Variants in SNX25 observed in about 807,000 individuals in gnomAD.
The protein encoded by SNX25 is sorting nexin-25.
In SNX25, 62 loss-of-function variants were observed where a neutral mutation model predicts 113.7. That is an observed-to-expected ratio of 0.55 (90% CI 0.44 to 0.67). The LOEUF (loss-of-function observed/expected upper bound fraction) is 0.67, where lower values mean the gene tolerates loss of function less well. Ranked by LOEUF, SNX25 falls within the 30% of genes least tolerant of loss-of-function variation. The pLI is 0.00. For synonymous variants in SNX25, 421 were observed against 436.2 expected (o/e 0.97, Z 0.43); for missense variants, 1,014 against 1,161.0 (o/e 0.87, Z 1.84).
At chr4:185,227,726 G>A (rs1741231969) in intron 1 of SNX25, among the ~76,000 whole-genome samples, 1 of 152,174 alleles carries the variant, frequency 6.6e-6, no homozygotes, top group Admixed American at 6.5e-5. Context: ...TGTTGGCCAT[G>A]TAGATTTTGA....
chr4:185,217,180 C>G (rs974056603), intron 1 of SNX25, among the ~76,000 whole-genome samples: 1 of 151,714 alleles, frequency 6.6e-6, no homozygotes, highest in African/African-American at 2.4e-5. Context: ...CCTGTAATCC[C>G]AGCACTTTGG....
At chr4:185,319,144 G>T in intron 7 of SNX25, among the ~76,000 whole-genome samples, 3 of 127,898 alleles carry the variant, frequency 2.3e-5, no homozygotes, top group South Asian at 2.5e-4. Flanking sequence ...TCATACACAT[G>T]CTGGAATTAT....
intron 6 of SNX25, among the ~76,000 whole-genome samples, chr4:185,299,950 CAG>C (rs574850254): frequency 8.5e-5 from 13 of 152,262 alleles, no homozygotes; most frequent in African/African-American, 2.2e-4. Flanking sequence ...GTGATACACT[CAG>C]GGTACAGATG....
intron 2 of SNX25, among the ~76,000 whole-genome samples, chr4:185,248,785 A>G (rs1745212232): frequency 6.6e-6 from 1 of 152,234 alleles, no homozygotes; most frequent in Non-Finnish European, 1.5e-5. Context: ...CACCTCATTC[A>G]AAATAGAGAA....
intron 12 of SNX25, among the ~76,000 whole-genome samples, chr4:185,344,926 A>G (rs2095278151): frequency 1.3e-5 from 2 of 152,218 alleles, no homozygotes; most frequent in South Asian, 2.1e-4. Context: ...TTGTCTCAGT[A>G]TAACAATGAA....
intron 7 of SNX25, among the ~76,000 whole-genome samples, chr4:185,315,450 C>A (rs1194036825): frequency 6.6e-6 from 1 of 151,936 alleles, no homozygotes; most frequent in East Asian, 2.0e-4. Flanking sequence ...TGCACCACCA[C>A]GCCCAGCTAA....
In SNX25 at chr4:185,210,348, G is replaced by A. The variant is rs1737543517; in HGVS notation, c.429+93G>A. 1 of 979,412 alleles carries A rather than the reference G, an allele frequency of 1.0e-6. No homozygotes were observed. The highest frequency in any genetic ancestry group is 4.7e-5 in the South Asian group (1 of 21,062). The allele number at this position is 979,412 out of a possible 1,614,324, so 60.7% of individuals were successfully genotyped here. On this transcript the variant is annotated intron_variant, in intron 1 of 18. Coordinates refer to ENST00000652585, the MANE Select transcript of SNX25 (RefSeq NM_001378034.2). This position sits in a 1 kb window ranked among gnomAD's most constrained non-coding sequence, Gnocchi z 4.4. The stretch of plus-strand genomic sequence containing the variant: ...CCCGAGCTCCGGGGGGCCGCGGCAT[G>A]CCCTTGTCGAAGCGGGAAGCCGGGA...
chr4:185,239,986 T>C (rs1743440880), intron 1 of SNX25, among the ~76,000 whole-genome samples: 1 of 150,862 alleles, frequency 6.6e-6, no homozygotes, highest in Non-Finnish European at 1.5e-5. Flanking sequence ...GCATGCTTCC[T>C]TCAAGCATCT....
Position 185,264,472 on chromosome 4 carries a change from G to T in SNX25, c.766G>T (p.Ala256Ser). The T allele has an allele frequency of 6.2e-7, 1 of 1,613,450 alleles. No homozygotes were observed. Among genetic ancestry groups the T allele is most frequent in the Non-Finnish European group, 8.5e-7 (1 of 1,179,896 alleles). ...EEQPRPFVLH[A>S]CLRNSDDEVR... Reference sequence around the variant, plus strand: ...ACAGCCAAGACCTTTTGTGTTGCACGCATGCTTGAGGAACTCAGATGATGA... The same window carrying T: ...ACAGCCAAGACCTTTTGTGTTGCACTCATGCTTGAGGAACTCAGATGATGA... The change falls in exon 4 of 19, where the codon GCA becomes TCA. Residue 256 changes from alanine to serine, a missense_variant. Physicochemically the swap from Ala to Ser is moderately conservative, Grantham distance 99 (BLOSUM62 1). Coordinates refer to ENST00000652585, the MANE Select transcript of SNX25 (RefSeq NM_001378034.2).
chr4:185,308,884 C>T (rs773993357), intron 6 of SNX25, among the ~76,000 whole-genome samples: 2 of 152,172 alleles, frequency 1.3e-5, no homozygotes, highest in Non-Finnish European at 2.9e-5. Context: ...TCTCTCTCCA[C>T]CTAGGTAGCT....
intron 5 of SNX25, among the ~76,000 whole-genome samples, chr4:185,278,124 G>T (rs1750018747): frequency 6.6e-6 from 1 of 152,172 alleles, no homozygotes; most frequent in South Asian, 2.1e-4. Flanking sequence ...ATATTTAGCA[G>T]CCAGGTCTCA....
chr4:185,281,937 A>C (rs1002603406), intron 5 of SNX25, among the ~76,000 whole-genome samples: 3 of 151,970 alleles, frequency 2.0e-5, no homozygotes, highest in African/African-American at 7.3e-5. Flanking sequence ...AATCGCTTGA[A>C]CCTGGGAGGT....
At chr4:185,289,302 T>G (rs1359642201) in intron 6 of SNX25, among the ~76,000 whole-genome samples, 1 of 152,180 alleles carries the variant, frequency 6.6e-6, no homozygotes, top group Non-Finnish European at 1.5e-5. Context: ...TGGTCACATG[T>G]TCCTTGGAGA....
intron 1 of SNX25, among the ~76,000 whole-genome samples, chr4:185,243,342 A>T (rs183797510): frequency 2.0e-5 from 3 of 152,168 alleles, no homozygotes; most frequent in Non-Finnish European, 1.5e-5. Flanking sequence ...AGGCATGGTG[A>T]CTCATGCTTG....
chr4:185,377,940 G>C, the SNX25 span: 11 of 662,334 alleles, frequency 1.7e-5, no homozygotes, highest in South Asian at 2.6e-4. Context: ...ACAGATTCTT[G>C]CGGGAAAACT....
chr4:185,247,338 G>A lies in SNX25; in HGVS notation c.474G>A (p.Arg158=), dbSNP rs1745005982. The part of the protein sequence containing the change: ...GNSHESAQSR[R]VVISHNMDKA... ...CACATGAGTCAGCTCAGTCTAGAAG[G>A]GTAGTAATTTCTCATAATATGGATA... is the stretch of plus-strand genomic sequence containing the variant. Residue 158 remains arginine (R), a synonymous_variant, in exon 2 of 19, where the codon AGG becomes AGA. Coordinates refer to ENST00000652585, the MANE Select transcript of SNX25 (RefSeq NM_001378034.2). The A allele has an allele frequency of 2.5e-6, 4 of 1,611,168 alleles. No individual in the cohort carries two copies. The East Asian group carries it at 8.9e-5, about 36-fold the overall frequency.
chr4:185,343,718 A>G (rs1055750600), intron 12 of SNX25, among the ~76,000 whole-genome samples: 5 of 152,242 alleles, frequency 3.3e-5, no homozygotes, highest in Middle Eastern at 3.4e-3. Context: ...CAGTTCTTCA[A>G]TTATTTCTAC....
At chr4:185,262,328 C>G (rs777023013) in intron 3 of SNX25, among the ~76,000 whole-genome samples, 4 of 152,180 alleles carry the variant, frequency 2.6e-5, no homozygotes, top group Non-Finnish European at 4.4e-5. Context: ...CCATCTGTCT[C>G]GCTCCAGCAT....
At chr4:185,255,051 A>G (rs748117839) in intron 2 of SNX25, among the ~76,000 whole-genome samples, 2 of 152,124 alleles carry the variant, frequency 1.3e-5, no homozygotes, top group African/African-American at 2.4e-5. Flanking sequence ...GGTATGTTTT[A>G]AAGTATTTTG....
Sources: allele counts gnomAD v4.1 joint callset (sites outside exome capture counted in the v4.1 genomes callset), GRCh38; gene constraint gnomAD v4.1.1; non-coding constraint Gnocchi (gnomAD v3.1); transcripts MANE v1.5; gene names NCBI Gene and HGNC (gene_info 2026-07-23, HGNC 2026-07-21).